The following HIVEP2 variants were observed in gnomAD, a reference collection of about 807,000 sequenced individuals.
HIVEP2 encodes transcription factor HIVEP2.
Under a neutral mutation model 180.7 loss-of-function variants are expected in HIVEP2, and 14 were observed. The ratio of observed to expected loss-of-function variants is 0.08; its 90% CI spans 0.05 to 0.12. HIVEP2 has a LOEUF of 0.12. HIVEP2 is among the 10% of genes least tolerant of loss of function. The probability of loss-of-function intolerance (pLI) is 1.00; values close to 1 mark genes in which losing one functional copy is unlikely to be tolerated. For missense variants in HIVEP2, 2,579 were observed against 3,008.5 expected, an observed-to-expected ratio of 0.86 and a Z score of 3.34; for synonymous variants, 1,184 against 1,136.4, an observed-to-expected ratio of 1.04 and a Z score of -0.84.
intron 1 of HIVEP2, among the ~76,000 whole-genome samples, chr6:142,889,336 A>C (rs527832000): frequency 2.6e-5 from 4 of 152,258 alleles, no homozygotes; most frequent in African/African-American, 9.6e-5. Context: ...GGTGGCATGC[A>C]CCTGTAGCCC....
intron 1 of HIVEP2, among the ~76,000 whole-genome samples, chr6:142,920,818 CA>C (rs1399913967): frequency 1.3e-5 from 2 of 151,950 alleles, no homozygotes; most frequent in African/African-American, 4.8e-5. Flanking sequence ...CCCATTTCTA[CA>C]AAAAATTTAA....
intron 1 of HIVEP2, among the ~76,000 whole-genome samples, chr6:142,915,706 G>A (rs534000343): frequency 6.6e-6 from 1 of 151,902 alleles, no homozygotes; most frequent in Admixed American, 6.6e-5. Flanking sequence ...TAAAAGTTAG[G>A]GTTTCTCCAG....
At chr6:142,793,668 T>TC (rs1491106379) in intron 2 of HIVEP2, among the ~76,000 whole-genome samples, 400 of 130,612 alleles carry the variant, frequency 3.1e-3, no homozygotes, top group African/African-American at 7.8e-3. Flanking sequence ...TTTTTCTTTC[T>TC]TTCTTTCTCT....
intron 2 of HIVEP2, among the ~76,000 whole-genome samples, chr6:142,806,188 A>G (rs1461253096): frequency 6.6e-6 from 1 of 152,218 alleles, no homozygotes; most frequent in African/African-American, 2.4e-5. Flanking sequence ...TTGGAGAAAT[A>G]GGATACAAAA....
chr6:142,844,174 A>T (rs1477929574), intron 1 of HIVEP2, among the ~76,000 whole-genome samples: 2 of 152,068 alleles, frequency 1.3e-5, no homozygotes, highest in Non-Finnish European at 2.9e-5. Flanking sequence ...TGTTTTTTTT[A>T]ATCTTAAAAG....
chr6:142,878,277 A>C (rs1776495370), intron 1 of HIVEP2, among the ~76,000 whole-genome samples: 1 of 152,230 alleles, frequency 6.6e-6, no homozygotes, highest in African/African-American at 2.4e-5. Flanking sequence ...TAATCACTGC[A>C]TAGCTAACAA....
intron 1 of HIVEP2, among the ~76,000 whole-genome samples, chr6:142,898,002 C>T (rs969620069): frequency 2.6e-5 from 4 of 152,138 alleles, no homozygotes; most frequent in South Asian, 2.1e-4. Flanking sequence ...GATGAGTGAA[C>T]GAGCATGGCA....
At chr6:142,800,849 T>G (rs148824841) in intron 2 of HIVEP2, among the ~76,000 whole-genome samples, 608 of 152,232 alleles carry the variant, frequency 4.0e-3, no homozygotes, top group African/African-American at 0.014. Context: ...CTCAGAAAGG[T>G]CATGTGCTAT....
intron 2 of HIVEP2, among the ~76,000 whole-genome samples, chr6:142,814,897 C>G (rs1776792996): frequency 6.6e-6 from 1 of 152,050 alleles, no homozygotes; most frequent in Non-Finnish European, 1.5e-5. Context: ...TCATTTTGTT[C>G]TACTATAACA....
At chr6:142,793,593 C>T (rs1251404435) in intron 2 of HIVEP2, among the ~76,000 whole-genome samples, 1 of 150,794 alleles carries the variant, frequency 6.6e-6, no homozygotes, top group African/African-American at 2.4e-5. Flanking sequence ...TTCTTTCTAC[C>T]TCCCCCCTCC....
At chr6:142,860,753 T>C (rs997298609) in intron 1 of HIVEP2, among the ~76,000 whole-genome samples, 2 of 152,178 alleles carry the variant, frequency 1.3e-5, no homozygotes, top group Non-Finnish European at 2.9e-5. Context: ...ACTTACCTCC[T>C]GCTGTGCAGC....
At chr6:142,839,899 C>T (rs780489363) in intron 1 of HIVEP2, among the ~76,000 whole-genome samples, 1 of 152,146 alleles carries the variant, frequency 6.6e-6, no homozygotes, top group Non-Finnish European at 1.5e-5. Context: ...AAGCAGTTTT[C>T]CTGAATACTA....
intron 2 of HIVEP2, among the ~76,000 whole-genome samples, chr6:142,834,626 A>C (rs889617788): frequency 6.6e-6 from 1 of 152,168 alleles, no homozygotes; most frequent in Admixed American, 6.5e-5. Flanking sequence ...GCTTGAAGGA[A>C]AATGCCAGGA....
chr6:142,810,763 AAAAAAAAAAAAAAAAAC>A (rs1331084653), intron 2 of HIVEP2, among the ~76,000 whole-genome samples: 4 of 28,728 alleles, frequency 1.4e-4, no homozygotes, highest in Non-Finnish European at 7.4e-4. Flanking sequence ...CTCTGTCTCA[AAAAAAAAAAAAAAAAAC>A]AAAAAAAGAA....
intron 1 of HIVEP2, among the ~76,000 whole-genome samples, chr6:142,909,727 T>C (rs1019773940): frequency 1.3e-5 from 2 of 152,188 alleles, no homozygotes; most frequent in Admixed American, 1.3e-4. Flanking sequence ...ATGAGTCAAG[T>C]ACAACATTAA....
intron 2 of HIVEP2, among the ~76,000 whole-genome samples, chr6:142,829,489 C>T (rs1223525444): frequency 6.6e-6 from 1 of 152,172 alleles, no homozygotes; most frequent in Non-Finnish European, 1.5e-5. Flanking sequence ...CTTCACAAAA[C>T]ATTTTATTTA....
At chr6:142,767,419 G>A (rs1048957119) in intron 6 of HIVEP2, among the ~76,000 whole-genome samples, 14 of 152,116 alleles carry the variant, frequency 9.2e-5, no homozygotes, top group African/African-American at 3.1e-4. Flanking sequence ...TCTCCAAACC[G>A]GTAATGCTAG....
At chr6:142,878,463 T>C (rs2128415263) in intron 1 of HIVEP2, among the ~76,000 whole-genome samples, 1 of 152,326 alleles carries the variant, frequency 6.6e-6, no homozygotes, top group East Asian at 1.9e-4. Flanking sequence ...TGTGAATTCA[T>C]GAATTCAAAG....
intron 1 of HIVEP2, among the ~76,000 whole-genome samples, chr6:142,889,782 C>T (rs772700462): frequency 6.6e-6 from 1 of 152,182 alleles, no homozygotes; most frequent in African/African-American, 2.4e-5. Context: ...TATCAGACAT[C>T]AAAATGACCT....
Sources: gnomAD v4.1 joint callset for allele counts (sites outside exome capture counted in the v4.1 genomes callset) on GRCh38, gnomAD v4.1.1 for gene constraint, MANE v1.5 for transcripts, NCBI Gene and HGNC (gene_info 2026-07-23, HGNC 2026-07-21) for gene names.